The following COMMD10 variants were observed in gnomAD, a reference collection of about 807,000 sequenced individuals.
COMMD10 encodes the protein COMM domain containing 10, also known as COMM domain-containing protein 10.
A neutral mutation model predicts 28.9 loss-of-function variants in COMMD10; 33 were observed. The observed-to-expected ratio is 1.14, with a 90% CI of 0.87 to 1.53. COMMD10 has a LOEUF of 1.53. COMMD10 is among the 40% of genes most tolerant of loss of function. The pLI, the probability that COMMD10 is intolerant of heterozygous loss-of-function variation, is 0.00. For missense variants in COMMD10, 310 were observed against 233.4 expected (o/e 1.33, Z -2.14); for synonymous variants, 110 against 81.7 (o/e 1.35, Z -1.87).
rs1383420821 is a variant in COMMD10 at position 116,113,925 on chromosome 5, CTT to C, written c.400-20140_400-20139del. On this transcript the variant is annotated intron_variant, in intron 4 of 6. Transcript: ENST00000274458. ...ACAATTGCTTTTTTTTTCAATTTAACTTTTGTTTGGAGTAGACTTTGCTCCTT... is the reference window on the plus strand; with the variant it reads ...ACAATTGCTTTTTTTTTCAATTTAACTTGTTTGGAGTAGACTTTGCTCCTT... Among the ~76,000 whole-genome samples, 4 of 150,158 alleles carry C rather than the reference CTT, an allele frequency of 2.7e-5. No homozygotes were observed. The East Asian group carries it at 7.8e-4, about 29-fold the overall frequency.
At chr5:116,250,928 G>C (rs1298224010) in intron 5 of COMMD10, among the ~76,000 whole-genome samples, 2 of 151,978 alleles carry the variant, frequency 1.3e-5, no homozygotes, top group Non-Finnish European at 2.9e-5. Flanking sequence ...CGTTTCTGTT[G>C]TGCCTCTTGG....
chr5:116,242,247 T>C (rs187364441), intron 5 of COMMD10, among the ~76,000 whole-genome samples: 1 of 152,180 alleles, frequency 6.6e-6, no homozygotes, highest in Non-Finnish European at 1.5e-5. Flanking sequence ...GTTTTGAAAG[T>C]TTTGTTAAGG....
intron 4 of COMMD10, among the ~76,000 whole-genome samples, chr5:116,126,311 A>G (rs868595989): frequency 9.2e-5 from 14 of 152,120 alleles, no homozygotes; most frequent in South Asian, 8.3e-4. Context: ...CATGCTCATG[A>G]ATAGGAAGAA....
intron 4 of COMMD10, among the ~76,000 whole-genome samples, chr5:116,123,705 T>A (rs1195677098): frequency 3.9e-5 from 6 of 152,108 alleles, no homozygotes; most frequent in Admixed American, 3.9e-4. Context: ...GTCCTTGGCT[T>A]TTTTTGGTTG....
intron 4 of COMMD10, among the ~76,000 whole-genome samples, chr5:116,112,932 G>T (rs1401042588): frequency 6.6e-6 from 1 of 151,856 alleles, no homozygotes; most frequent in African/African-American, 2.4e-5. Flanking sequence ...ATATTTTTGT[G>T]TGTTTTCACA....
chr5:116,197,308 A>T (rs960557093), intron 5 of COMMD10, among the ~76,000 whole-genome samples: 52 of 152,182 alleles, frequency 3.4e-4, no homozygotes, highest in African/African-American at 1.2e-3. Context: ...TCATTGTATT[A>T]ATATTTTACG....
intron 5 of COMMD10, among the ~76,000 whole-genome samples, chr5:116,258,365 A>T (rs549107728): frequency 1.3e-5 from 2 of 151,752 alleles, no homozygotes; most frequent in African/African-American, 4.9e-5. Context: ...TTTTAAAATT[A>T]TGCATAAATA....
intron 4 of COMMD10, among the ~76,000 whole-genome samples, chr5:116,108,115 A>T (rs12656463): frequency 0.52 from 78,571 of 152,072 alleles, 22,467 homozygotes; most frequent in Non-Finnish European, 0.66. Context: ...TTCGGCTCCC[A>T]CTGTGGGGTT....
chr5:116,130,588 A>G (rs1284769461), intron 4 of COMMD10, among the ~76,000 whole-genome samples: 1 of 151,948 alleles, frequency 6.6e-6, no homozygotes, highest in Non-Finnish European at 1.5e-5. Context: ...CAATTATCCA[A>G]AATTAGTGAA....
intron 5 of COMMD10, among the ~76,000 whole-genome samples, chr5:116,289,436 G>A (rs1474031954): frequency 3.3e-5 from 5 of 151,764 alleles, no homozygotes; most frequent in African/African-American, 9.7e-5. Context: ...GAGTTCTAGG[G>A]CCTCTCAAAT....
chr5:116,202,632 G>T (rs946295669), intron 5 of COMMD10, among the ~76,000 whole-genome samples: 3 of 151,882 alleles, frequency 2.0e-5, no homozygotes, highest in African/African-American at 4.9e-5. Context: ...TTGTCTGATG[G>T]CCAGTGATGA....
At chr5:116,211,539 AGTTCATCAT>A (rs1286666288) in intron 5 of COMMD10, among the ~76,000 whole-genome samples, 1 of 152,122 alleles carries the variant, frequency 6.6e-6, no homozygotes, top group Non-Finnish European at 1.5e-5. Context: ...TTGTATGTGC[AGTTCATCAT>A]TGACCAAAAC....
intron 5 of COMMD10, among the ~76,000 whole-genome samples, chr5:116,135,329 T>C (rs72804829): frequency 0.053 from 8,052 of 152,328 alleles, 289 homozygotes; most frequent in East Asian, 0.14. Flanking sequence ...CATTCTATTA[T>C]GCAGGTTTCT....
At chr5:116,100,568 T>C (rs1013564474) in intron 4 of COMMD10, among the ~76,000 whole-genome samples, 1 of 150,722 alleles carries the variant, frequency 6.6e-6, no homozygotes, top group African/African-American at 2.4e-5. Context: ...TACCATTAGT[T>C]GAAAAGGCTT....
chr5:116,218,050 T>G, intron 5 of COMMD10: 1 of 1,156,432 alleles, frequency 8.6e-7, no homozygotes, highest in Non-Finnish European at 1.3e-6. Flanking sequence ...CACCTTCAGC[T>G]TTCTGTGCCT....
intron 5 of COMMD10, 85 bp from the exon 6 acceptor site, chr5:116,291,432 T>A (rs750747414): frequency 1.1e-6 from 1 of 918,372 alleles, no homozygotes; most frequent in Non-Finnish European, 1.8e-6. Flanking sequence ...CAATCTTATG[T>A]CATATTCTGA....
intron 5 of COMMD10, among the ~76,000 whole-genome samples, chr5:116,289,295 AT>A (rs1193443686): frequency 6.6e-6 from 1 of 151,706 alleles, no homozygotes; most frequent in Non-Finnish European, 1.5e-5. Context: ...TGTTCCTTTG[AT>A]TAGGCCATAT....
intron 4 of COMMD10, among the ~76,000 whole-genome samples, chr5:116,101,936 G>GT (rs1319160969): frequency 1.3e-5 from 2 of 152,076 alleles, no homozygotes; most frequent in African/African-American, 4.8e-5. Context: ...AGTTGTTTGG[G>GT]TTTTTTGTAC....
At chr5:116,133,403 A>G (rs1751923112) in intron 4 of COMMD10, among the ~76,000 whole-genome samples, 1 of 152,224 alleles carries the variant, frequency 6.6e-6, no homozygotes, top group East Asian at 1.9e-4. Context: ...TAATAAATTC[A>G]AAGGAAATGT....
Sources: gnomAD v4.1 joint callset for allele counts (sites outside exome capture counted in the v4.1 genomes callset) on GRCh38, gnomAD v4.1.1 for gene constraint, MANE v1.5 for transcripts, NCBI Gene and HGNC (gene_info 2026-07-23, HGNC 2026-07-21) for gene names.